Variants in WDR19 observed in about 807,000 individuals in gnomAD.
The protein encoded by WDR19 is WD repeat-containing protein 19.
In WDR19, 121 loss-of-function variants were observed where a neutral mutation model predicts 180.0. That is an observed-to-expected ratio of 0.67 (90% CI 0.58 to 0.78). WDR19 has a LOEUF of 0.78. Among genes scored for constraint, WDR19 ranks in the 30% least tolerant of loss-of-function variants. The pLI is 0.00. For missense variants in WDR19, 1,450 were observed against 1,640.7 expected, an observed-to-expected ratio of 0.88 and a Z score of 2.01; for synonymous variants, 497 against 540.7, an observed-to-expected ratio of 0.92 and a Z score of 1.12.
chr4:39,276,978 G>A (rs780109853), intron 33 of WDR19, 42 bp from the exon 34 acceptor site: 13 of 1,608,886 alleles, frequency 8.1e-6, no homozygotes, highest in Middle Eastern at 1.7e-4. Context: ...CCCGGTACAT[G>A]AATAAAACGG....
intron 9 of WDR19, among the ~76,000 whole-genome samples, chr4:39,207,910 C>T (rs1376273255): frequency 6.6e-6 from 1 of 151,922 alleles, no homozygotes; most frequent in African/African-American, 2.4e-5. Context: ...TAATATTGCT[C>T]AGTAGGGTGT....
chr4:39,270,494 G>A (rs551871595), intron 31 of WDR19, among the ~76,000 whole-genome samples: 42 of 152,268 alleles, frequency 2.8e-4, no homozygotes, highest in African/African-American at 8.7e-4. Context: ...TTCTGCCTCA[G>A]CCTTCCAAGT....
At position 39,183,964 on chromosome 4, in the gene WDR19, A is replaced by G. The variant is rs546721602; in HGVS notation, c.6+1401A>G. Among the ~76,000 whole-genome samples, 13 of 152,372 alleles carry G rather than the reference A, an allele frequency of 8.5e-5. No individual in the cohort carries two copies. In the South Asian group the frequency reaches 2.7e-3, roughly 32 times the overall value. On this transcript the variant is annotated intron_variant, in intron 1 of 36. Coordinates refer to ENST00000399820, the MANE Select transcript of WDR19 (RefSeq NM_025132.4). ...CTTCTCACTTGCATGAAGGAGTTCC[A>G]GGGTGAAATGGTCACAAAATTGCAA...
At chr4:39,194,486 G>A (rs1726503326) in intron 4 of WDR19, 58 bp from the exon 5 acceptor site, 1 of 1,103,670 alleles carries the variant, frequency 9.1e-7, no homozygotes, top group African/African-American at 1.6e-5. Flanking sequence ...CTTTTTTAAA[G>A]GACTGTTTAG....
Position 39,274,989 on chromosome 4 carries a change from A to G in WDR19, c.3716+31A>G, listed in dbSNP as rs763746004. 10 of 1,584,894 alleles carry G rather than the reference A, an allele frequency of 6.3e-6. No individual in the cohort carries two copies. The African/African-American group carries it at 9.9e-5, about 16-fold the overall frequency. ...CAGAGATGGCTATTTCTGCTATCTA[A>G]TCGTATTTCTCAAAGTATTTCCAAA... On this transcript the variant is annotated intron_variant, in intron 33 of 36. Transcript: ENST00000399820.
In WDR19 at chr4:39,240,275, A is replaced by G; in HGVS notation, c.2364-2A>G. 1 of 1,344,256 alleles carries G rather than the reference A, an allele frequency of 7.4e-7. No individual in the cohort carries two copies. The highest frequency in any genetic ancestry group is 2.0e-5 in the South Asian group (1 of 50,180). The allele number at this position is 1,344,256 out of a possible 1,614,324, so 83.3% of individuals were successfully genotyped here. On this transcript the variant is annotated splice_acceptor_variant, in intron 20 of 36. Transcript: ENST00000399820. LOFTEE classifies it high-confidence loss of function. ...TAAAATTCACTCTTATTTTTTTTTC[A>G]GGGGTGATTATGTAAATGCTTTGGC... is the stretch of plus-strand genomic sequence containing the variant.
At chr4:39,199,331 G>A (rs1727128768) in intron 5 of WDR19, 147 bp from the exon 6 acceptor site, 1 of 626,994 alleles carries the variant, frequency 1.6e-6, no homozygotes, top group Non-Finnish European at 2.7e-6. Flanking sequence ...GTAATAAACT[G>A]TTTTAAATAA....
In WDR19 at chr4:39,266,379, A is replaced by T. The variant is rs142465551; in HGVS notation, c.3261+239A>T. Among the ~76,000 whole-genome samples, 557 of 151,398 alleles carry T rather than the reference A, an allele frequency of 3.7e-3. 6 individuals are homozygous for T. Among genetic ancestry groups the T allele is most frequent in the African/African-American group, 0.013 (522 of 41,326 alleles). ...AACACTAACAATAGCTGATGAGTTT[A>T]AAAAAAAAATCGCAAAAAAAACTCA... On this transcript the variant is annotated intron_variant, in intron 29 of 36. Transcript: ENST00000399820.
intron 22 of WDR19, 40 bp downstream of exon 22, chr4:39,244,428 T>TAC: frequency 1.2e-6 from 2 of 1,613,890 alleles, no homozygotes; most frequent in Non-Finnish European, 1.7e-6. Flanking sequence ...TGGTCTTTTA[T>TAC]ACATAATAAC....
intron 36 of WDR19, among the ~76,000 whole-genome samples, chr4:39,281,203 A>ATGTGTGTGTGTGTG (rs1254088982): frequency 1.3e-5 from 1 of 74,280 alleles, no homozygotes; most frequent in African/African-American, 8.3e-5. Context: ...TCCTAAATAT[A>ATGTGTGTGTGTGTG]TATGTGTGTG....
At position 39,199,708 on chromosome 4, in the gene WDR19, G is replaced by A. The variant is rs1577858730; in HGVS notation, c.522+115G>A. 3.5e-5 allele frequency: 24 copies of A among 680,264 alleles called. No homozygotes were observed. The highest frequency in any genetic ancestry group is 8.2e-5 in the South Asian group (4 of 48,858). 42.1% of individuals were successfully genotyped at this position (680,264 alleles called of 1,614,324 possible). A position where few individuals can be genotyped will look rare whatever the true frequency, so the allele number is the denominator to read the frequency against. On this transcript the variant is annotated intron_variant, in intron 6 of 36. Transcript: ENST00000399820. The stretch of plus-strand genomic sequence containing the variant: ...AAAAATCTATATGTGAGGTATATAT[G>A]TGTGTGTGTGTATACACAATAACTT...
At chr4:39,240,233 A>T in intron 20 of WDR19, 44 bp from the exon 21 acceptor site, 1 of 1,055,812 alleles carries the variant, frequency 9.5e-7, no homozygotes, top group Non-Finnish European at 1.3e-6. Context: ...AAATTCTAAA[A>T]TATATATTAA....
chr4:39,214,763 A>T, intron 10 of WDR19, 92 bp downstream of exon 10: 5 of 743,810 alleles, frequency 6.7e-6, no homozygotes, highest in Non-Finnish European at 6.6e-6. Context: ...CATTCGTTGT[A>T]GGAGGAATAA....
chr4:39,200,523 T>A (rs1282415981), intron 6 of WDR19, among the ~76,000 whole-genome samples: 1 of 152,164 alleles, frequency 6.6e-6, no homozygotes, highest in East Asian at 1.9e-4. Context: ...TTACAGATTG[T>A]TATATTCAGG....
Position 39,274,593 on chromosome 4 carries a change from T to C in WDR19, c.3566-215T>C, listed in dbSNP as rs1578052061. The C allele has an allele frequency of 1.8e-5, 10 of 552,686 alleles. No homozygotes were observed. In the East Asian group the frequency reaches 2.9e-4, roughly 16 times the overall value. The allele number at this position is 552,686 out of a possible 1,614,324, so 34.2% of individuals were successfully genotyped here. On this transcript the variant is annotated intron_variant, in intron 32 of 36. Coordinates refer to ENST00000399820, the MANE Select transcript of WDR19 (RefSeq NM_025132.4). ...GGTCCTAGTGTTACAAGGCAGAACATGGTGTCATCAAAGGAAAAGCACTTG... is the reference window on the plus strand; with the variant it reads ...GGTCCTAGTGTTACAAGGCAGAACACGGTGTCATCAAAGGAAAAGCACTTG...
chr4:39,267,165 C>A (rs1734892497), intron 29 of WDR19, among the ~76,000 whole-genome samples: 1 of 152,202 alleles, frequency 6.6e-6, no homozygotes, highest in South Asian at 2.1e-4. Context: ...GAACGTCCAT[C>A]TTCTCCCAGT....
chr4:39,285,630 C>T lies in WDR19; in HGVS notation c.*157C>T, dbSNP rs1737123039. The T allele has an allele frequency of 6.6e-6, 1 of 152,186 alleles. No homozygotes were observed. Among genetic ancestry groups the T allele is most frequent in the South Asian group, 2.1e-4 (1 of 4,830 alleles). 9.4% of individuals were successfully genotyped at this position (152,186 alleles called of 1,614,324 possible). ...GGCACTTTCCACTTCTGTACGGTGGCAAAACGATGACATGTAACCTTGCTG... is the reference window on the plus strand; with the variant it reads ...GGCACTTTCCACTTCTGTACGGTGGTAAAACGATGACATGTAACCTTGCTG... On this transcript the variant is annotated 3_prime_UTR_variant, in exon 37 of 37. Transcript: ENST00000399820.
rs1233349783 is a variant in WDR19 at position 39,185,893 on chromosome 4, TTTG to T, written c.98+85_98+87del. The T allele has an allele frequency of 5.9e-4, 699 of 1,189,418 alleles. 2 individuals are homozygous for T. The highest frequency in any genetic ancestry group is 6.9e-4 in the African/African-American group (36 of 52,430). 73.7% of individuals were successfully genotyped at this position (1,189,418 alleles called of 1,614,324 possible). A position where few individuals can be genotyped will look rare whatever the true frequency, so the allele number is the denominator to read the frequency against. ...CACCATCTACTCAGTAGAAGTTTTT[TTTG>T]TTGTTGTTTTTTTTTTTTAAATGGA... On this transcript the variant is annotated intron_variant, in intron 2 of 36. Coordinates refer to ENST00000399820, the MANE Select transcript of WDR19 (RefSeq NM_025132.4).
At position 39,205,239 on chromosome 4, in the gene WDR19, A is replaced by C. The variant is rs202232525; in HGVS notation, c.689A>C (p.Asp230Ala). 2.3e-4 allele frequency: 374 copies of C among 1,600,200 alleles called. No individual in the cohort carries two copies. The highest frequency in any genetic ancestry group is 3.0e-4 in the Non-Finnish European group (352 of 1,172,744). ...DNPADLEFQQ[D>A]FGNIVCYNWY... ...CCAGCTGATCTTGAATTTCAGCAGG[A>C]CTTTGGCAACATTGTCTGCTATAAT... The change falls in exon 8 of 37, where the codon GAC (aspartate) becomes GCC (alanine). Residue 230 changes from aspartate (D) to alanine (A), a missense_variant. Coordinates refer to ENST00000399820, the MANE Select transcript of WDR19 (RefSeq NM_025132.4).
Sources: allele counts gnomAD v4.1 joint callset (sites outside exome capture counted in the v4.1 genomes callset), GRCh38; gene constraint gnomAD v4.1.1; transcripts MANE v1.5; gene names NCBI Gene and HGNC (gene_info 2026-07-23, HGNC 2026-07-21).